The following AIFM3 variants were observed in gnomAD, a reference collection of about 807,000 sequenced individuals.
The protein encoded by AIFM3 is apoptosis-inducing factor 3.
Under a neutral mutation model 82.7 loss-of-function variants are expected in AIFM3, and 71 were observed. That is an observed-to-expected ratio of 0.86 (90% CI 0.71 to 1.05). The LOEUF (loss-of-function observed/expected upper bound fraction) is 1.05, where lower values mean the gene tolerates loss of function less well. Among genes scored for constraint, AIFM3 ranks in the 50% least tolerant of loss-of-function variants. The pLI, the probability that AIFM3 is intolerant of heterozygous loss-of-function variation, is 0.00. For synonymous variants in AIFM3, 337 were observed against 329.1 expected, an observed-to-expected ratio of 1.02 and a Z score of -0.26; for missense variants, 748 against 816.7, an observed-to-expected ratio of 0.92 and a Z score of 1.03.
At chr22:20,967,771 G>GT (rs761755106) in intron 1 of AIFM3, 34 bp from the exon 2 acceptor site, 1 of 645,650 alleles carries the variant, frequency 1.5e-6, no homozygotes, top group Non-Finnish European at 2.8e-6. Context: ...CTGCCCACAC[G>GT]CCCCGGTCCT....
Position 20,981,162 on chromosome 22 carries a change from A to G in AIFM3, c.*131A>G. 7.6e-7 allele frequency: 1 copy of G among 1,315,682 alleles called. No homozygotes were observed. The highest frequency in any genetic ancestry group is 1.1e-6 in the Non-Finnish European group (1 of 947,416). The allele number at this position is 1,315,682 out of a possible 1,614,324, so 81.5% of individuals were successfully genotyped here. A position where few individuals can be genotyped will look rare whatever the true frequency, so the allele number is the denominator to read the frequency against. ...CTGAGCCCTCCCAGTGCTTGCCTTC[A>G]GCCACCTGGCTCCCCTCCTGGGAGG... On this transcript the variant is annotated 3_prime_UTR_variant, in exon 21 of 21. Coordinates refer to ENST00000440238, the MANE Select transcript of AIFM3 (RefSeq NM_001386814.1).
At chr22:20,973,721 G>C in intron 3 of AIFM3, 37 bp from the exon 4 acceptor site, 1 of 1,499,862 alleles carries the variant, frequency 6.7e-7, no homozygotes, top group East Asian at 2.5e-5. Context: ...GTTGTGCCTG[G>C]TGTCTGGCCT....
intron 18 of AIFM3, 153 bp from the exon 19 acceptor site, chr22:20,979,867 A>G: frequency 8.8e-7 from 1 of 1,138,420 alleles, no homozygotes; most frequent in South Asian, 1.5e-5. Flanking sequence ...TCAAGCCGCG[A>G]TGTGCAAAGC....
intron 17 of AIFM3, 74 bp from the exon 18 acceptor site, chr22:20,979,553 T>A (rs1253770684): frequency 1.9e-6 from 3 of 1,572,394 alleles, no homozygotes; most frequent in African/African-American, 2.7e-5. Context: ...CTGGGCGGGG[T>A]TAGGAGGGGA....
intron 13 of AIFM3, 36 bp from the exon 14 acceptor site, chr22:20,976,996 G>T: frequency 6.2e-7 from 1 of 1,614,168 alleles, no homozygotes; most frequent in Non-Finnish European, 8.5e-7. Flanking sequence ...GAGCCTGGGA[G>T]CTGGGTCCAC....
intron 14 of AIFM3, 135 bp from the exon 15 acceptor site, chr22:20,977,565 G>T: frequency 9.8e-7 from 1 of 1,024,906 alleles, no homozygotes; most frequent in East Asian, 2.6e-5. Context: ...GGACCAGGGT[G>T]CATGAAGGCC....
chr22:20,973,277 G>T, intron 2 of AIFM3, 30 bp from the exon 3 acceptor site: 1 of 1,552,282 alleles, frequency 6.4e-7, no homozygotes, highest in South Asian at 1.2e-5. Context: ...TGGCTGAGGT[G>T]GGGGGCTCAA....
At chr22:20,967,533 G>A (rs6005063) in intron 1 of AIFM3, among the ~76,000 whole-genome samples, 9,082 of 152,198 alleles carry the variant, frequency 0.06, 365 homozygotes, top group Admixed American at 0.11. Flanking sequence ...TAGAAATCAG[G>A]GAGGATTTCC....
At chr22:20,967,742 C>G in intron 1 of AIFM3, 63 bp from the exon 2 acceptor site, 1 of 603,202 alleles carries the variant, frequency 1.7e-6, no homozygotes, top group Non-Finnish European at 3.0e-6. Context: ...TGTCTCTCTC[C>G]GTCCCTCTGT....
chr22:20,976,152 G>A, intron 9 of AIFM3, 63 bp from the exon 10 acceptor site: 1 of 1,556,952 alleles, frequency 6.4e-7, no homozygotes, highest in African/African-American at 1.3e-5. Context: ...TGCAGGACCG[G>A]GGAGTGGGCG....
rs199885324 is a variant in AIFM3, at chr22:20,977,863, G to A, written c.1360-25G>A. 7.6e-5 allele frequency: 123 copies of A among 1,614,032 alleles called. No individual in the cohort carries two copies. The African/African-American group carries it at 1.5e-3, about 19-fold the overall frequency. ...AGGTCAGGGCCCCTGTCACACCCAT[G>A]GAGCTCTGGGCCCTCTCTCTACAGA... On this transcript the variant is annotated intron_variant, in intron 15 of 20. Transcript: ENST00000440238.
intron 17 of AIFM3, 110 bp downstream of exon 17, chr22:20,979,479 A>G: frequency 6.8e-7 from 1 of 1,473,486 alleles, no homozygotes; most frequent in South Asian, 1.2e-5. Context: ...CACTAGGAAG[A>G]GGCCGGTAAG....
chr22:20,969,827 A>G (rs1923159614), intron 2 of AIFM3, among the ~76,000 whole-genome samples: 1 of 152,042 alleles, frequency 6.6e-6, no homozygotes. Context: ...ATTTCCAGAT[A>G]TGGGAGTGAC....
chr22:20,975,792 G>T lies in AIFM3; in HGVS notation c.807+14G>T. On this transcript the variant is annotated intron_variant, in intron 9 of 20. Coordinates refer to ENST00000440238, the MANE Select transcript of AIFM3 (RefSeq NM_001386814.1). ...ACCGAGGCTCAGGTACAGGGTCAAGGGTGGGAAACAGGCCCGAGGAGGGAA... is the reference window on the plus strand; with the variant it reads ...ACCGAGGCTCAGGTACAGGGTCAAGTGTGGGAAACAGGCCCGAGGAGGGAA... 1 of 1,610,616 alleles carries T rather than the reference G, an allele frequency of 6.2e-7. No homozygotes were observed. The highest frequency in any genetic ancestry group is 8.5e-7 in the Non-Finnish European group (1 of 1,179,896).
In AIFM3 at chr22:20,976,958, CCCTGCTG is replaced by C; in HGVS notation, c.1218+22_1218+28del. ...GGAAAGGTGGGCCCTTCTCCCTTCT[CCCTGCTG>C]CTTTCTGTCCTCTGTCCCCTGAGCC... On this transcript the variant is annotated intron_variant, in intron 13 of 20. Coordinates refer to ENST00000440238, the MANE Select transcript of AIFM3 (RefSeq NM_001386814.1). The C allele has an allele frequency of 6.2e-7, 1 of 1,613,382 alleles. No individual in the cohort carries two copies. The highest frequency in any genetic ancestry group is 8.5e-7 in the Non-Finnish European group (1 of 1,179,394).
chr22:20,970,437 C>G (rs373863335), intron 2 of AIFM3, among the ~76,000 whole-genome samples: 27 of 152,058 alleles, frequency 1.8e-4, no homozygotes, highest in African/African-American at 6.3e-4. Context: ...TGCACCACCA[C>G]GACTGGCAAT....
At chr22:20,980,906 T>C (rs1924069851) in intron 20 of AIFM3, 86 bp from the exon 21 acceptor site, 2 of 1,609,820 alleles carry the variant, frequency 1.2e-6, no homozygotes, top group East Asian at 4.5e-5. Flanking sequence ...GACCCCCTGC[T>C]GTCCTCAAGG....
chr22:20,967,504 G>C (rs749110277), intron 1 of AIFM3, among the ~76,000 whole-genome samples: 1 of 151,994 alleles, frequency 6.6e-6, no homozygotes, highest in Non-Finnish European at 1.5e-5. Flanking sequence ...GAGAGGGGAA[G>C]GGGGGCACGA....
chr22:20,977,763 T>C lies in AIFM3; in HGVS notation c.1346T>C (p.Ile449Thr). Residue 449 changes from isoleucine (I) to threonine (T), a missense_variant, in exon 15 of 21, where the codon ATC (isoleucine) becomes ACC (threonine). By Grantham distance (89) the Ile-to-Thr change is moderately conservative (BLOSUM62 -1). Coordinates refer to ENST00000440238, the MANE Select transcript of AIFM3 (RefSeq NM_001386814.1). ...ATCGGTTTGGATTCCCGAGGCTTCATCCCTGTCAACAAGGTGGGGTGGATG... is the reference window on the plus strand; with the variant it reads ...ATCGGTTTGGATTCCCGAGGCTTCACCCCTGTCAACAAGGTGGGGTGGATG... The part of the protein sequence containing the change: ...SGIGLDSRGF[I>T]PVNKMMQTNV... 1 of 1,614,176 alleles carries C rather than the reference T, an allele frequency of 6.2e-7. No homozygotes were observed. The highest frequency in any genetic ancestry group is 8.5e-7 in the Non-Finnish European group (1 of 1,180,032).
Sources: allele counts gnomAD v4.1 joint callset (sites outside exome capture counted in the v4.1 genomes callset), GRCh38; gene constraint gnomAD v4.1.1; transcripts MANE v1.5; gene names NCBI Gene and HGNC (gene_info 2026-07-23, HGNC 2026-07-21).